The following ACSM2B variants were observed in gnomAD, a reference collection of about 807,000 sequenced individuals.
ACSM2B encodes acyl-coenzyme A synthetase ACSM2B, mitochondrial.
A neutral mutation model predicts 78.6 loss-of-function variants in ACSM2B; 58 were observed. The observed-to-expected ratio is 0.74, with a 90% CI of 0.60 to 0.92. The LOEUF is 0.92. Ranked by LOEUF, ACSM2B falls within the 40% of genes least tolerant of loss-of-function variation. ACSM2B has a pLI of 0.00. For synonymous variants in ACSM2B, 257 were observed against 256.8 expected (o/e 1.00, Z -0.01); for missense variants, 688 against 711.2 (o/e 0.97, Z 0.37).
rs1361535760 is a variant in ACSM2B, at chr16:20,566,985, A to G, written c.-8-2132T>C. Among the ~76,000 whole-genome samples the G allele has an allele frequency of 4.9e-5, 6 of 122,134 alleles. No homozygotes were observed. The South Asian group carries it at 1.4e-3, about 29-fold the overall frequency. The allele number at this position is 122,134 out of a possible 152,430, so 80.1% of individuals were successfully genotyped here. On this transcript the variant is annotated intron_variant, in intron 1 of 13. Coordinates refer to ENST00000329697, the MANE Select transcript of ACSM2B (RefSeq NM_001105069.2). ...TATATATTATATATTATATACTGTT[A>G]TATATTATATATATCTGTGTATACA... is the stretch of plus-strand genomic sequence containing the variant.
Position 20,555,585 on chromosome 16 carries a change from A to G in ACSM2B, c.389-109T>C, listed in dbSNP as rs1347670776. 5.3e-5 allele frequency: 81 copies of G among 1,542,558 alleles called. No homozygotes were observed. The South Asian group carries it at 9.5e-4, about 18-fold the overall frequency. ...GCAAGTGGGGAAGGAGAGGATGGGG[A>G]AGTAATGACCAATGGAGAACGTCAA... On this transcript the variant is annotated intron_variant, in intron 3 of 13. Coordinates refer to ENST00000329697, the MANE Select transcript of ACSM2B (RefSeq NM_001105069.2).
Position 20,559,469 on chromosome 16 carries a change from T to C in ACSM2B, c.178-22A>G, listed in dbSNP as rs775838979. On this transcript the variant is annotated intron_variant, in intron 2 of 13. Coordinates refer to ENST00000329697, the MANE Select transcript of ACSM2B (RefSeq NM_001105069.2). ...CAGCCTGAGGAAAGAGAAACCCTGT[T>C]GATTAGGGGGCATTGGTACACAAGC... 2.5e-6 allele frequency: 4 copies of C among 1,611,646 alleles called. No individual in the cohort carries two copies. In the Admixed American group the frequency reaches 6.7e-5, roughly 27 times the overall value.
chr16:20,566,412 C>A (rs1456235753), intron 1 of ACSM2B, among the ~76,000 whole-genome samples: 2 of 127,874 alleles, frequency 1.6e-5, no homozygotes, highest in African/African-American at 2.9e-5. Context: ...TATTATATAT[C>A]ATATATGGGT....
Position 20,552,256 on chromosome 16 carries a change from G to A in ACSM2B, c.782C>T (p.Ser261Leu). The change falls in exon 6 of 14, where the codon TCA (serine) becomes TTA (leucine). Residue 261 changes from serine to leucine, a missense_variant. Ser to Leu is a moderately radical substitution (Grantham distance 145). Transcript: ENST00000329697. The part of the protein sequence containing the change: ...LQASDIMWTI[S>L]DTGWILNILG... Reference sequence around the variant, plus strand: ...GATGTTCAGTATCCAACCTGTGTCTGATATGGTCCACATTATATCAGAGGC... The same window carrying A: ...GATGTTCAGTATCCAACCTGTGTCTAATATGGTCCACATTATATCAGAGGC... 6.2e-7 allele frequency: 1 copy of A among 1,613,788 alleles called. No homozygotes were observed. Among genetic ancestry groups the A allele is most frequent in the Non-Finnish European group, 8.5e-7 (1 of 1,179,756 alleles).
intron 13 of ACSM2B, 36 bp downstream of exon 13, chr16:20,540,618 T>A: frequency 6.2e-7 from 1 of 1,605,976 alleles, no homozygotes; most frequent in Non-Finnish European, 8.5e-7. Flanking sequence ...AATCTATTTC[T>A]CAAGTTTGAG....
chr16:20,559,091 G>A, intron 3 of ACSM2B, 146 bp downstream of exon 3: 1 of 1,428,166 alleles, frequency 7.0e-7, no homozygotes, highest in Non-Finnish European at 9.2e-7. Context: ...TTAAATAAGT[G>A]GAAGCAGGGA....
intron 1 of ACSM2B, among the ~76,000 whole-genome samples, chr16:20,568,232 G>GTT (rs1188592382): frequency 1.4e-5 from 2 of 142,872 alleles, no homozygotes; most frequent in Non-Finnish European, 3.1e-5. Flanking sequence ...TATTTTATAT[G>GTT]TTTTATATAT....
In ACSM2B at chr16:20,555,274, T is replaced by C; in HGVS notation, c.591A>G (p.Leu197=). The C allele has an allele frequency of 6.2e-7, 1 of 1,613,980 alleles. No individual in the cohort carries two copies. Among genetic ancestry groups the C allele is most frequent in the Non-Finnish European group, 8.5e-7 (1 of 1,179,858 alleles). ...TGAGACATGTAGATACTCACTTTAG[T>C]AGTTTCTTGAAGTTCAGCCACCCAT... is the stretch of plus-strand genomic sequence containing the variant. The part of the protein sequence containing the change: ...SCDGWLNFKK[L]LNEASTTHHC... Residue 197 remains leucine, a synonymous_variant, in exon 4 of 14, where the codon CTA becomes CTG. Transcript: ENST00000329697.
chr16:20,542,949 C>T lies in ACSM2B; in HGVS notation c.1474G>A (p.Ala492Thr), dbSNP rs1318264569. ...ACGGGGTCTGGGCTGCTGATCACAG[C>T]CGTCTCAACCACAGCAGGGTGCTTC... ...LMKHPAVVET[A>T]VISSPDPVRG... The change falls in exon 12 of 14, where the codon GCT (alanine) becomes ACT (threonine). Residue 492 changes from alanine to threonine, a missense_variant. Ala to Thr is a moderately conservative substitution (Grantham distance 58). Transcript: ENST00000329697. 6.2e-7 allele frequency: 1 copy of T among 1,613,730 alleles called. No individual in the cohort carries two copies. Among genetic ancestry groups the T allele is most frequent in the South Asian group, 1.1e-5 (1 of 91,074 alleles).
chr16:20,552,083 T>C, intron 6 of ACSM2B, 61 bp downstream of exon 6: 1 of 1,527,832 alleles, frequency 6.5e-7, no homozygotes, highest in Non-Finnish European at 8.8e-7. Context: ...CTACAAAAAA[T>C]TGAAGTGTGC....
intron 1 of ACSM2B, among the ~76,000 whole-genome samples, chr16:20,573,504 T>G (rs1434520706): frequency 7.0e-6 from 1 of 143,594 alleles, no homozygotes; most frequent in East Asian, 2.1e-4. Context: ...CAAAAAAAGT[T>G]CATTGGAGTT....
In ACSM2B at chr16:20,564,755, C is replaced by T. The variant is rs780236440; in HGVS notation, c.91G>A (p.Val31Met). The T allele has an allele frequency of 7.4e-6, 12 of 1,613,406 alleles. No individual in the cohort carries two copies. The highest frequency in any genetic ancestry group is 1.0e-5 in the Non-Finnish European group (12 of 1,179,722). Residue 31 changes from valine to methionine, a missense_variant, in exon 2 of 14, where the codon GTG becomes ATG. Transcript: ENST00000329697. ...RTLYINSRQL[V>M]SLQWGHQEVP... ...TCCTGGTGGCCCCACTGCAGGGACA[C>T]CAGTTGCCTACTATTAATGTAGAGA...
At chr16:20,572,572 A>G (rs531054207) in intron 1 of ACSM2B, among the ~76,000 whole-genome samples, 3,771 of 145,074 alleles carry the variant, frequency 0.026, 75 homozygotes, top group Non-Finnish European at 0.043. Flanking sequence ...TCTTTTTGCA[A>G]TGAATTTCCC....
chr16:20,560,903 C>G (rs2015633470), intron 2 of ACSM2B, among the ~76,000 whole-genome samples: 1 of 152,050 alleles, frequency 6.6e-6, no homozygotes, highest in Non-Finnish European at 1.5e-5. Flanking sequence ...AGCAAAGGTC[C>G]TCCTTCCTAT....
At chr16:20,564,901 C>T (rs2015777320) in intron 1 of ACSM2B, 48 bp from the exon 2 acceptor site, 2 of 1,544,526 alleles carry the variant, frequency 1.3e-6, no homozygotes, top group East Asian at 2.3e-5. Context: ...TAACAGATTG[C>T]TCTACTGATC....
Position 20,564,536 on chromosome 16 carries a change from T to C in ACSM2B, c.177+133A>G, listed in dbSNP as rs759180241. On this transcript the variant is annotated intron_variant, in intron 2 of 13. Transcript: ENST00000329697. ...CATACCATACTGCCTTCATGGAAGA[T>C]GAGTGTCTTGTCCATAGCTTATTAC... is the stretch of plus-strand genomic sequence containing the variant. 89 of 1,473,076 alleles carry C rather than the reference T, an allele frequency of 6.0e-5. 1 individual carries two copies. The highest frequency in any genetic ancestry group is 1.9e-4 in the Middle Eastern group (1 of 5,276). The allele number at this position is 1,473,076 out of a possible 1,614,324, so 91.3% of individuals were successfully genotyped here. A position where few individuals can be genotyped will look rare whatever the true frequency, so the allele number is the denominator to read the frequency against.
chr16:20,545,792 C>A (rs1465059516), intron 9 of ACSM2B, among the ~76,000 whole-genome samples: 3 of 152,166 alleles, frequency 2.0e-5, no homozygotes, highest in Non-Finnish European at 4.4e-5. Context: ...TGAATAGCGT[C>A]TAAGTTACAC....
At position 20,548,375 on chromosome 16, in the gene ACSM2B, A is replaced by G. The variant is rs1329676162; in HGVS notation, c.974+19T>C. The G allele has an allele frequency of 1.9e-6, 3 of 1,613,428 alleles. No homozygotes were observed. The highest frequency in any genetic ancestry group is 2.5e-6 in the Non-Finnish European group (3 of 1,179,684). On this transcript the variant is annotated intron_variant, in intron 7 of 13. Transcript: ENST00000329697. ...GGGATGGGGCCAGACTCTCTTACCA[A>G]TCCTCAAAGCCCCATCACCTGGAAA...
intron 12 of ACSM2B, chr16:20,542,639 T>C (rs559535696): frequency 2.2e-6 from 1 of 445,148 alleles, no homozygotes; most frequent in African/African-American, 2.0e-5. Flanking sequence ...CTGGATCATA[T>C]GGTAGTTCTG....
Sources: gnomAD v4.1 joint callset for allele counts (sites outside exome capture counted in the v4.1 genomes callset) on GRCh38, gnomAD v4.1.1 for gene constraint, MANE v1.5 for transcripts, NCBI Gene and HGNC (gene_info 2026-07-23, HGNC 2026-07-21) for gene names.